SSH2: variants seen among roughly 807,000 people sequenced by gnomAD.
SSH2 encodes the protein slingshot protein phosphatase 2, also known as protein phosphatase Slingshot homolog 2.
A neutral mutation model predicts 135.2 loss-of-function variants in SSH2; 37 were observed. The observed-to-expected ratio is 0.27, with a 90% CI of 0.21 to 0.36. SSH2 has a LOEUF of 0.36. Ranked by LOEUF, SSH2 falls within the 10% of genes least tolerant of loss-of-function variation. The probability of loss-of-function intolerance (pLI) is 1.00; values close to 1 mark genes in which losing one functional copy is unlikely to be tolerated. For missense variants in SSH2, 1,408 were observed against 1,765.3 expected, an observed-to-expected ratio of 0.80 and a Z score of 3.63; for synonymous variants, 628 against 646.2, an observed-to-expected ratio of 0.97 and a Z score of 0.43.
At chr17:29,640,368 G>T (rs990913191) in intron 14 of SSH2, among the ~76,000 whole-genome samples, 6 of 152,120 alleles carry the variant, frequency 3.9e-5, no homozygotes, top group African/African-American at 1.4e-4. Context: ...GAGCCACCAC[G>T]CCCGGCCCCT....
intron 1 of SSH2, among the ~76,000 whole-genome samples, chr17:29,876,837 G>T (rs1161020629): frequency 2.0e-5 from 3 of 150,494 alleles, no homozygotes; most frequent in African/African-American, 7.3e-5. Flanking sequence ...TACCCCACAT[G>T]CACAGGCAAC....
chr17:29,828,787 G>A (rs1441279116), intron 2 of SSH2, among the ~76,000 whole-genome samples: 1 of 152,186 alleles, frequency 6.6e-6, no homozygotes, highest in Non-Finnish European at 1.5e-5. Context: ...TATAATTACA[G>A]ACGTTACCTA....
chr17:29,744,163 G>C (rs1034543532), intron 3 of SSH2, among the ~76,000 whole-genome samples: 1 of 152,202 alleles, frequency 6.6e-6, no homozygotes, highest in East Asian at 1.9e-4. Context: ...TGGGGTAGGA[G>C]GGGGAGTGGG....
At chr17:29,739,803 A>G (rs183043966) in intron 3 of SSH2, among the ~76,000 whole-genome samples, 122 of 152,294 alleles carry the variant, frequency 8.0e-4, no homozygotes, top group African/African-American at 2.7e-3. Flanking sequence ...TTTTTATTTG[A>G]TATCTGCGTT....
chr17:29,833,846 C>T (rs1297035068), intron 2 of SSH2, among the ~76,000 whole-genome samples: 1 of 43,288 alleles, frequency 2.3e-5, no homozygotes, highest in Non-Finnish European at 4.3e-5. Flanking sequence ...CTCCCTTTCT[C>T]CTTCCCTCCC....
intron 3 of SSH2, among the ~76,000 whole-genome samples, chr17:29,726,808 G>A (rs577298324): frequency 6.6e-6 from 1 of 152,282 alleles, no homozygotes; most frequent in African/African-American, 2.4e-5. Context: ...GTCAAAAAAG[G>A]TCTATTTACA....
chr17:29,694,618 G>A (rs997244295), intron 5 of SSH2, among the ~76,000 whole-genome samples: 1 of 152,130 alleles, frequency 6.6e-6, no homozygotes, highest in Non-Finnish European at 1.5e-5. Flanking sequence ...GCAGTGAGCC[G>A]AGATTGTGCC....
chr17:29,928,811 G>T (rs2067118606), intron 1 of SSH2, among the ~76,000 whole-genome samples: 1 of 148,340 alleles, frequency 6.7e-6, no homozygotes, highest in Non-Finnish European at 1.5e-5. Context: ...GTAACCTGAT[G>T]ATTTTTTTAC....
intron 2 of SSH2, among the ~76,000 whole-genome samples, chr17:29,795,015 T>G (rs1457965026): frequency 6.6e-6 from 1 of 152,232 alleles, no homozygotes; most frequent in Non-Finnish European, 1.5e-5. Context: ...CACAGAACTA[T>G]TAGGTAGAAG....
At chr17:29,858,121 T>A (rs773522075) in intron 1 of SSH2, among the ~76,000 whole-genome samples, 2 of 152,238 alleles carry the variant, frequency 1.3e-5, no homozygotes, top group African/African-American at 4.8e-5. Flanking sequence ...TATCCATTCA[T>A]CTGTTAAGAC....
At chr17:29,636,845 A>C in intron 14 of SSH2, 43 bp from the exon 15 acceptor site, 1 of 1,384,546 alleles carries the variant, frequency 7.2e-7, no homozygotes, top group Middle Eastern at 1.9e-4. Flanking sequence ...CTGGTTTGTA[A>C]AGATAATCAA....
At chr17:29,918,411 T>C (rs1025283227) in intron 1 of SSH2, among the ~76,000 whole-genome samples, 2 of 152,206 alleles carry the variant, frequency 1.3e-5, no homozygotes, top group African/African-American at 4.8e-5. Flanking sequence ...TTGTGATGCC[T>C]ATTTAGTGCT....
chr17:29,912,800 G>A lies in SSH2; in HGVS notation c.63+17138C>T, dbSNP rs188226892. Among the ~76,000 whole-genome samples the A allele has an allele frequency of 4.1e-4, 63 of 152,074 alleles. 1 individual carries two copies. Among genetic ancestry groups the A allele is most frequent in the Admixed American group, 3.5e-3 (54 of 15,268 alleles). ...AATCTGCTAATTACTAATGTTTCTCGAGATATAAGACTTTTCTGGCAATAC... is the reference window on the plus strand; with the variant it reads ...AATCTGCTAATTACTAATGTTTCTCAAGATATAAGACTTTTCTGGCAATAC... On this transcript the variant is annotated intron_variant, in intron 1 of 15. Transcript: ENST00000540801.
At chr17:29,756,263 CAAA>C (rs1375228462) in intron 3 of SSH2, among the ~76,000 whole-genome samples, 6 of 82,674 alleles carry the variant, frequency 7.3e-5, no homozygotes, top group Admixed American at 1.4e-4. Context: ...GACTCTGTCT[CAAA>C]AAAAAAAAAA....
chr17:29,831,112 G>A (rs1382716651), intron 2 of SSH2, among the ~76,000 whole-genome samples: 1 of 152,172 alleles, frequency 6.6e-6, no homozygotes, highest in Admixed American at 6.5e-5. Context: ...GTTTGATATA[G>A]TCGTGGCTGC....
chr17:29,632,008 C>T lies in SSH2; in HGVS notation c.3186G>A (p.Lys1062=). The part of the protein sequence containing the change: ...GPGSEIATSE[K]SGEQGLRKVN... The stretch of plus-strand genomic sequence containing the variant: ...CTTTCCTCAGCCCTTGCTCTCCGCT[C>T]TTCTCACTGGTGGCTATTTCACTCC... Residue 1062 remains lysine, a synonymous_variant, in exon 16 of 16, where the codon AAG becomes AAA. Transcript: ENST00000540801. The T allele has an allele frequency of 6.2e-7, 1 of 1,614,212 alleles. No individual in the cohort carries two copies. The highest frequency in any genetic ancestry group is 8.5e-7 in the Non-Finnish European group (1 of 1,180,042).
chr17:29,806,524 C>T (rs2042348969), intron 2 of SSH2, among the ~76,000 whole-genome samples: 1 of 152,148 alleles, frequency 6.6e-6, no homozygotes, highest in African/African-American at 2.4e-5. Flanking sequence ...CCTGAGCCCT[C>T]AATATGGACA....
At chr17:29,694,405 TC>T (rs1368207135) in intron 5 of SSH2, among the ~76,000 whole-genome samples, 2 of 152,250 alleles carry the variant, frequency 1.3e-5, no homozygotes, top group Non-Finnish European at 2.9e-5. Flanking sequence ...GCACTGTGGC[TC>T]ACGCCTGTAA....
At chr17:29,890,824 C>T (rs1301329890) in intron 1 of SSH2, among the ~76,000 whole-genome samples, 3 of 152,148 alleles carry the variant, frequency 2.0e-5, no homozygotes, top group Non-Finnish European at 4.4e-5. Flanking sequence ...GGTGCGATCT[C>T]GGCTCACTGC....
Sources: gnomAD v4.1 joint callset for allele counts (sites outside exome capture counted in the v4.1 genomes callset) on GRCh38, gnomAD v4.1.1 for gene constraint, MANE v1.5 for transcripts, NCBI Gene and HGNC (gene_info 2026-07-23, HGNC 2026-07-21) for gene names.